The following POM121 variants were observed in gnomAD, a reference collection of about 807,000 sequenced individuals.
POM121 encodes POM121 transmembrane nucleoporin, also known as nuclear envelope pore membrane protein POM 121.
POM121 carries 32 observed loss-of-function variants against 81.3 expected under a neutral mutation model. The observed-to-expected ratio is 0.39, with a 90% CI of 0.30 to 0.53. POM121 has a LOEUF of 0.53. Ranked by LOEUF, POM121 falls within the 20% of genes least tolerant of loss-of-function variation. The pLI, the probability that POM121 is intolerant of heterozygous loss-of-function variation, is 0.66. For synonymous variants in POM121, 514 were observed against 694.2 expected, an observed-to-expected ratio of 0.74 and a Z score of 4.08; for missense variants, 1,138 against 1,614.6, an observed-to-expected ratio of 0.70 and a Z score of 5.06.
chr7:72,910,955 G>A (rs1793745510), intron 3 of POM121, among the ~76,000 whole-genome samples: 1 of 152,068 alleles, frequency 6.6e-6, no homozygotes, highest in African/African-American at 2.4e-5. Context: ...AGAATTTGTT[G>A]GTTTGATTGA....
chr7:72,936,773 T>G (rs1466306460), intron 5 of POM121, among the ~76,000 whole-genome samples: 1 of 152,062 alleles, frequency 6.6e-6, no homozygotes, highest in Non-Finnish European at 1.5e-5. Flanking sequence ...CTGGAGCACA[T>G]TGTGAAGAAA....
At position 72,908,738 on chromosome 7, in the gene POM121, C is replaced by T. The variant is rs1215402466; in HGVS notation, c.-215-5027C>T. ...CTGTTCCTTGCTGAGAAAAAGAATT[C>T]AGCGTTATTTCTCCTATTTGCTTTT... On this transcript the variant is annotated intron_variant, in intron 3 of 15. Coordinates refer to the POM121 transcript ENST00000395270. Among the ~76,000 whole-genome samples the T allele has an allele frequency of 3.9e-5, 6 of 152,282 alleles. No homozygotes were observed. In the East Asian group the frequency reaches 9.6e-4, roughly 24 times the overall value.
downstream of POM121, chr7:72,949,644 C>G: frequency 3.1e-6 from 2 of 653,258 alleles, no homozygotes; most frequent in Non-Finnish European, 5.5e-6. Flanking sequence ...TCAGAGGTAA[C>G]TGGCCTGGGG....
Position 72,939,905 on chromosome 7 carries a change from C to T in POM121, c.1500C>T (p.Ser500=), listed in dbSNP as rs1382491356. 1.2e-5 allele frequency: 20 copies of T among 1,609,176 alleles called. No individual in the cohort carries two copies. Among genetic ancestry groups the T allele is most frequent in the Non-Finnish European group, 1.5e-5 (18 of 1,177,734 alleles). ...CGAATTCTCAGTCTACACCTGGCAG[C>T]TCTGGGCAGCGTAAGCGGAAAGTTC... ...QNSNSQSTPG[S]SGQRKRKVQL... Residue 500 remains serine, a synonymous_variant, in exon 8 of 13, where the codon AGC becomes AGT. Transcript: ENST00000434423.
intron 4 of POM121, among the ~76,000 whole-genome samples, chr7:72,929,226 T>A (rs1290333397): frequency 6.6e-6 from 1 of 152,144 alleles, no homozygotes; most frequent in Non-Finnish European, 1.5e-5. Flanking sequence ...GGAAGGACAA[T>A]GGTCTCCAAA....
upstream of POM121, among the ~76,000 whole-genome samples, chr7:72,921,823 A>G (rs1384339711): frequency 6.6e-6 from 1 of 152,192 alleles, no homozygotes; most frequent in Non-Finnish European, 1.5e-5. Flanking sequence ...TATGAATTAT[A>G]CCAGTTTGCC....
At chr7:72,927,863 G>A (rs1554497853) in intron 3 of POM121, among the ~76,000 whole-genome samples, 1 of 152,170 alleles carries the variant, frequency 6.6e-6, no homozygotes, top group Admixed American at 6.5e-5. Flanking sequence ...TATGGATAGA[G>A]CGGTGGACAA....
chr7:72,935,317 C>T (rs1283749067), intron 5 of POM121, among the ~76,000 whole-genome samples: 1 of 152,028 alleles, frequency 6.6e-6, no homozygotes, highest in African/African-American at 2.4e-5. Context: ...GGACCACAGG[C>T]ATGCATCACC....
rs1586048048 is a variant in POM121 at position 72,879,878 on chromosome 7, C to T, written c.-528C>T. 3 of 513,600 alleles carry T rather than the reference C, an allele frequency of 5.8e-6. No individual in the cohort carries two copies. In the East Asian group the frequency reaches 1.6e-4, roughly 28 times the overall value. 31.8% of individuals were successfully genotyped at this position (513,600 alleles called of 1,614,324 possible). On this transcript the variant is annotated 5_prime_UTR_variant, in exon 1 of 16. Coordinates refer to the POM121 transcript ENST00000395270. ...GCCGTGGGGCAGAGGCTGCAGAGCC[C>T]CAGGAGGGTAAGTCTTGGGTTTTCG...
At chr7:72,898,049 AT>A (rs1554491994) in intron 3 of POM121, among the ~76,000 whole-genome samples, 1 of 152,110 alleles carries the variant, frequency 6.6e-6, no homozygotes, top group East Asian at 1.9e-4. Flanking sequence ...GACCCAAAAG[AT>A]TTGCAGATGC....
In POM121 at chr7:72,942,214, G is replaced by A. The variant is rs782608571; in HGVS notation, c.2221G>A (p.Glu741Lys). Residue 741 changes from glutamate to lysine, a missense_variant, in exon 11 of 13, where the codon GAA becomes AAA. This residue lies in a region of POM121 where 37 missense variants were observed against 62.8 expected (regional missense o/e 0.59). Coordinates refer to ENST00000434423, the MANE Select transcript of POM121 (RefSeq NM_001387691.1). ...IFTAPPKSEK[E>K]GPTPPGPSVT... ...CACGGCTCCACCCAAGAGTGAGAAGGAAGGCCCCACACCGCCTGGCCCTTC... is the reference window on the plus strand; with the variant it reads ...CACGGCTCCACCCAAGAGTGAGAAGAAAGGCCCCACACCGCCTGGCCCTTC... The A allele has an allele frequency of 1.2e-6, 2 of 1,609,982 alleles. No homozygotes were observed. The highest frequency in any genetic ancestry group is 1.7e-6 in the Non-Finnish European group (2 of 1,179,876).
chr7:72,940,055 T>G, intron 8 of POM121, 87 bp downstream of exon 8: 1 of 1,533,600 alleles, frequency 6.5e-7, no homozygotes. Context: ...TTCTGATTTT[T>G]TTTCTAATTT....
intron 3 of POM121, among the ~76,000 whole-genome samples, chr7:72,899,378 G>T (rs1792335459): frequency 6.6e-6 from 1 of 152,080 alleles, no homozygotes; most frequent in South Asian, 2.1e-4. Flanking sequence ...ACTTTGTGAT[G>T]CAAATGACTG....
intron 1 of POM121, among the ~76,000 whole-genome samples, chr7:72,881,190 G>T (rs1230013921): frequency 1.3e-5 from 2 of 151,266 alleles, no homozygotes; most frequent in Non-Finnish European, 2.9e-5. Flanking sequence ...TCAGCCTCCT[G>T]AGTAGCTGGG....
At chr7:72,899,740 G>A (rs1416023564) in intron 3 of POM121, among the ~76,000 whole-genome samples, 3 of 151,906 alleles carry the variant, frequency 2.0e-5, no homozygotes, top group Non-Finnish European at 2.9e-5. Flanking sequence ...CACCACGCCC[G>A]GCTAATTTTT....
rs1359096171 is a variant in POM121, at chr7:72,935,043, A to C, written c.1276-3547A>C. ...TTTAGATCAACTTGTCAATTTCCACAAAAAAAAAAAAAAGTTCTGAGATAC... is the reference window on the plus strand; with the variant it reads ...TTTAGATCAACTTGTCAATTTCCACCAAAAAAAAAAAAAGTTCTGAGATAC... On this transcript the variant is annotated intron_variant, in intron 5 of 12. Coordinates refer to ENST00000434423, the MANE Select transcript of POM121 (RefSeq NM_001387691.1). Among the ~76,000 whole-genome samples the C allele has an allele frequency of 3.7e-5, 5 of 133,510 alleles. No individual in the cohort carries two copies. In the East Asian group the frequency reaches 6.0e-4, roughly 16 times the overall value. The allele number at this position is 133,510 out of a possible 152,430, so 87.6% of individuals were successfully genotyped here.
chr7:72,925,671 TC>T lies in POM121; in HGVS notation c.557del (p.Pro186ArgfsTer40), dbSNP rs781786049. On this transcript the variant is annotated frameshift_variant, in exon 1 of 13. Coordinates refer to ENST00000434423, the MANE Select transcript of POM121 (RefSeq NM_001387691.1). LOFTEE classifies it high-confidence loss of function. Reference sequence around the variant, plus strand: ...ACCGCCGCGCTCCCCACCGCCGCGCTCCCCCCCGCCCTCCCCGCCGACCCAT... The same window carrying T: ...ACCGCCGCGCTCCCCACCGCCGCGCTCCCCCCGCCCTCCCCGCCGACCCAT... ...SPPPRSPPPR[S>X]PPPSPPTHRA... The T allele has an allele frequency of 1.9e-5, 12 of 628,858 alleles. No homozygotes were observed. Among genetic ancestry groups the T allele is most frequent in the Non-Finnish European group, 2.2e-5 (12 of 544,976 alleles). The allele number at this position is 628,858 out of a possible 1,614,324, so 39.0% of individuals were successfully genotyped here.
At chr7:72,886,723 G>T (rs1356800605) in intron 1 of POM121, among the ~76,000 whole-genome samples, 3 of 151,794 alleles carry the variant, frequency 2.0e-5, no homozygotes, top group Non-Finnish European at 2.9e-5. Flanking sequence ...ATGTTTCTCT[G>T]TTGTCTTCCT....
chr7:72,927,836 G>A (rs1554497848), intron 3 of POM121, among the ~76,000 whole-genome samples: 1 of 152,182 alleles, frequency 6.6e-6, no homozygotes, highest in Non-Finnish European at 1.5e-5. Flanking sequence ...CTGTGTATGG[G>A]ACCCTACTCC....
Sources: allele counts gnomAD v4.1 joint callset (sites outside exome capture counted in the v4.1 genomes callset), GRCh38; gene constraint gnomAD v4.1.1; regional missense constraint gnomAD v4.1.1; transcripts MANE v1.5; gene names NCBI Gene and HGNC (gene_info 2026-07-23, HGNC 2026-07-21).